PHACTR4: variants seen among roughly 807,000 people sequenced by gnomAD.
PHACTR4 encodes the protein protein phosphatase 1, regulatory subunit 124.
PHACTR4 carries 51 observed loss-of-function variants against 72.7 expected under a neutral mutation model. That is an observed-to-expected ratio of 0.70 (90% CI 0.56 to 0.89). The LOEUF is 0.89. PHACTR4 is among the 40% of genes least tolerant of loss of function. The probability of loss-of-function intolerance (pLI) is 0.00; values close to 1 mark genes in which losing one functional copy is unlikely to be tolerated. For missense variants in PHACTR4, 731 were observed against 861.8 expected (o/e 0.85, Z 1.90); for synonymous variants, 255 against 302.5 (o/e 0.84, Z 1.63).
chr1:28,495,977 T>C (rs930663461), intron 13 of PHACTR4, among the ~76,000 whole-genome samples: 3 of 150,132 alleles, frequency 2.0e-5, no homozygotes, highest in South Asian at 4.2e-4. Flanking sequence ...CAGGACAGCA[T>C]ACTGAGAAAG....
intron 2 of PHACTR4, among the ~76,000 whole-genome samples, chr1:28,411,323 A>T (rs1301380590): frequency 1.3e-5 from 2 of 152,234 alleles, no homozygotes; most frequent in Non-Finnish European, 2.9e-5. Context: ...TTTGGATTAC[A>T]GGTGTGAGCC....
chr1:28,464,049 T>C (rs894313262), intron 4 of PHACTR4, among the ~76,000 whole-genome samples: 12 of 150,852 alleles, frequency 8.0e-5, no homozygotes, highest in Admixed American at 7.9e-4. Context: ...CATTTCTTTT[T>C]TTTTTTTTTT....
Position 28,497,041 on chromosome 1 carries a change from G to T in PHACTR4, c.*492G>T. ...CTGATAAAAGAGTCTCTACCTCCAG[G>T]GAAAGCCTTCTTACCACACTGGCAT... On this transcript the variant is annotated 3_prime_UTR_variant, in exon 14 of 14. Transcript: ENST00000373839. 1.1e-5 allele frequency: 2 copies of T among 187,998 alleles called. No homozygotes were observed. The highest frequency in any genetic ancestry group is 5.7e-5 in the Admixed American group (1 of 17,548). 11.6% of individuals were successfully genotyped at this position (187,998 alleles called of 1,614,324 possible).
At chr1:28,432,397 C>CTTT (rs1656334376) in intron 2 of PHACTR4, among the ~76,000 whole-genome samples, 1 of 123,512 alleles carries the variant, frequency 8.1e-6, no homozygotes. Context: ...TTGAGTAAAA[C>CTTT]TTTAAATTTT....
intron 2 of PHACTR4, among the ~76,000 whole-genome samples, chr1:28,429,640 T>C (rs1401072671): frequency 6.6e-6 from 1 of 152,212 alleles, no homozygotes; most frequent in Non-Finnish European, 1.5e-5. Flanking sequence ...TAAAGAATGC[T>C]GTTTCTTTCC....
chr1:28,475,910 A>C (rs982028362), intron 7 of PHACTR4, among the ~76,000 whole-genome samples, 197 bp from the exon 8 acceptor site: 1 of 151,802 alleles, frequency 6.6e-6, no homozygotes, highest in African/African-American at 2.4e-5. Flanking sequence ...TATTTTTAGT[A>C]GACACAGGGT....
intron 1 of PHACTR4, among the ~76,000 whole-genome samples, chr1:28,403,853 G>C (rs1354561313): frequency 1.3e-5 from 2 of 152,040 alleles, no homozygotes; most frequent in Non-Finnish European, 2.9e-5. Flanking sequence ...TTTGTGATTA[G>C]CCTTTCATTT....
chr1:28,404,209 C>T (rs1455336998), intron 1 of PHACTR4, among the ~76,000 whole-genome samples: 1 of 151,544 alleles, frequency 6.6e-6, no homozygotes, highest in African/African-American at 2.4e-5. Flanking sequence ...CTTGTCCTCC[C>T]AAAGTGCTGG....
intron 1 of PHACTR4, among the ~76,000 whole-genome samples, chr1:28,373,049 T>C (rs12118457): frequency 0.6 from 90,859 of 151,706 alleles, 28,412 homozygotes; most frequent in African/African-American, 0.74. Context: ...CCTCAACCTC[T>C]TGGGCTCAAA....
intron 1 of PHACTR4, among the ~76,000 whole-genome samples, chr1:28,398,055 G>GCTT (rs1653656390): frequency 6.6e-6 from 1 of 152,092 alleles, no homozygotes; most frequent in Admixed American, 6.6e-5. Flanking sequence ...TGCAGTACAT[G>GCTT]CTTCTGTGTT....
At chr1:28,467,459 G>T (rs370553237) in intron 6 of PHACTR4, among the ~76,000 whole-genome samples, 1 of 151,732 alleles carries the variant, frequency 6.6e-6, no homozygotes, top group Admixed American at 6.6e-5. Context: ...GATTCCACCT[G>T]CATGGAATTA....
Position 28,491,652 on chromosome 1 carries a change from C to T in PHACTR4, c.1881C>T (p.Leu627=), listed in dbSNP as rs149868770. ...REIKRRLTRK[L]SQRPTVAELL... ...CTAAGAGGCTCCGTTTCCTTCAGCT[C>T]AGTCAAAGGCCAACTGTCGCTGAAC... Residue 627 remains leucine, a splice_region_variant and synonymous_variant, in exon 12 of 14, where the codon CTC becomes CTT. Coordinates refer to ENST00000373839, the MANE Select transcript of PHACTR4 (RefSeq NM_001048183.3). The T allele has an allele frequency of 1.2e-6, 2 of 1,613,912 alleles. No individual in the cohort carries two copies. The highest frequency in any genetic ancestry group is 2.7e-5 in the African/African-American group (2 of 75,008).
intron 8 of PHACTR4, among the ~76,000 whole-genome samples, chr1:28,476,751 C>A (rs1294313864): frequency 7.0e-6 from 1 of 142,134 alleles, no homozygotes; most frequent in Non-Finnish European, 1.5e-5. Context: ...GACAGGGTCT[C>A]GTTAGGTTGC....
intron 1 of PHACTR4, among the ~76,000 whole-genome samples, chr1:28,379,271 CT>C (rs59368965): frequency 1.7e-3 from 245 of 143,214 alleles, no homozygotes; most frequent in Admixed American, 1.7e-3. Context: ...TTCTTTCTTT[CT>C]TTTTTTTTTT....
At chr1:28,459,394 T>TA in intron 3 of PHACTR4, 136 bp downstream of exon 3, 258 of 590,160 alleles carry the variant, frequency 4.4e-4, no homozygotes, top group Middle Eastern at 1.0e-3. Context: ...CTTTCCTTCT[T>TA]CTTTTTTTTT....
chr1:28,392,036 A>C (rs1181202449), intron 1 of PHACTR4, among the ~76,000 whole-genome samples: 2 of 152,186 alleles, frequency 1.3e-5, no homozygotes, highest in African/African-American at 2.4e-5. Context: ...CAGTCTTCAC[A>C]TACAGTAGCG....
At chr1:28,487,386 A>T (rs1198638708) in intron 9 of PHACTR4, among the ~76,000 whole-genome samples, 1 of 151,600 alleles carries the variant, frequency 6.6e-6, no homozygotes, top group Non-Finnish European at 1.5e-5. Flanking sequence ...AAAATAAAAT[A>T]AAAATAAATA....
At chr1:28,439,741 G>A (rs1238560493) in intron 2 of PHACTR4, among the ~76,000 whole-genome samples, 1 of 152,110 alleles carries the variant, frequency 6.6e-6, no homozygotes, top group African/African-American at 2.4e-5. Flanking sequence ...CCCTTCTGAT[G>A]ACATTTTGCT....
intron 2 of PHACTR4, among the ~76,000 whole-genome samples, chr1:28,412,411 T>C (rs11247812): frequency 0.28 from 42,823 of 152,128 alleles, 6,195 homozygotes; most frequent in Middle Eastern, 0.35. Flanking sequence ...ATGTGCTTTA[T>C]ACATATTTCT....
Sources: gnomAD v4.1 joint callset for allele counts (sites outside exome capture counted in the v4.1 genomes callset) on GRCh38, gnomAD v4.1.1 for gene constraint, MANE v1.5 for transcripts, NCBI Gene and HGNC (gene_info 2026-07-23, HGNC 2026-07-21) for gene names.